The following ZNF563 variants were observed in gnomAD, a reference collection of about 807,000 sequenced individuals.
The protein encoded by ZNF563 is zinc finger protein 563.
Under a neutral mutation model 48.5 loss-of-function variants are expected in ZNF563, and 39 were observed. That is an observed-to-expected ratio of 0.80 (90% CI 0.62 to 1.05). The LOEUF is 1.05. ZNF563 is among the 50% of genes least tolerant of loss of function. The pLI is 0.00. For missense variants in ZNF563, 538 were observed against 597.0 expected, an observed-to-expected ratio of 0.90 and a Z score of 1.03; for synonymous variants, 168 against 187.9, an observed-to-expected ratio of 0.89 and a Z score of 0.87.
At chr19:12,323,076 C>T (rs1428620251) in intron 1 of ZNF563, among the ~76,000 whole-genome samples, 1 of 152,212 alleles carries the variant, frequency 6.6e-6, no homozygotes, top group Non-Finnish European at 1.5e-5. Context: ...AGTCCTGAGA[C>T]TGCATGTCCT....
At chr19:12,331,043 G>T in intron 1 of ZNF563, among the ~76,000 whole-genome samples, 1 of 152,068 alleles carries the variant, frequency 6.6e-6, no homozygotes, top group Middle Eastern at 3.2e-3. Flanking sequence ...TGTGTAGTAC[G>T]ACAGAAAAGA....
chr19:12,331,798 A>G (rs1422064317), intron 1 of ZNF563, among the ~76,000 whole-genome samples: 6 of 152,214 alleles, frequency 3.9e-5, no homozygotes, highest in African/African-American at 1.4e-4. Flanking sequence ...CAGTACCAGG[A>G]AAAGATAGTG....
At chr19:12,346,545 G>T in the ZNF563 span, 1 of 152,140 alleles carries the variant, frequency 6.6e-6, no homozygotes, top group Non-Finnish European at 1.5e-5. Flanking sequence ...CCTGAAAAAG[G>T]TTTACACCAA....
chr19:12,342,017 T>C, the ZNF563 span, among the ~76,000 whole-genome samples: 2 of 152,184 alleles, frequency 1.3e-5, no homozygotes, highest in Non-Finnish European at 2.9e-5. Flanking sequence ...ATAAGATGTA[T>C]CTTTTTCTTT....
At position 12,319,069 on chromosome 19, in the gene ZNF563, T is replaced by C. The variant is rs993184901; in HGVS notation, c.956A>G (p.His319Arg). The C allele has an allele frequency of 1.2e-6, 2 of 1,614,016 alleles. No homozygotes were observed. Among genetic ancestry groups the C allele is most frequent in the Non-Finnish European group, 1.7e-6 (2 of 1,180,038 alleles). The change falls in exon 4 of 4, where the codon CAT becomes CGT. Residue 319 changes from histidine to arginine, a missense_variant. Coordinates refer to ENST00000293725, the MANE Select transcript of ZNF563 (RefSeq NM_145276.3). ...YECKQCGKTF[H>R]HLGSFQIHMK... is the part of the protein sequence containing the mutation. Reference sequence around the variant, plus strand: ...GTGTATCTGAAAGCTTCCAAGATGATGAAATGTTTTCCCGCATTGCTTACA... The same window carrying C: ...GTGTATCTGAAAGCTTCCAAGATGACGAAATGTTTTCCCGCATTGCTTACA...
the ZNF563 span, among the ~76,000 whole-genome samples, chr19:12,339,948 A>G: frequency 9.2e-5 from 14 of 152,382 alleles, no homozygotes; most frequent in Non-Finnish European, 1.6e-4. Flanking sequence ...GATTCATCAC[A>G]TATAAATGAT....
chr19:12,332,028 G>T (rs1341120138), intron 1 of ZNF563, among the ~76,000 whole-genome samples: 1 of 152,008 alleles, frequency 6.6e-6, no homozygotes, highest in Non-Finnish European at 1.5e-5. Context: ...TTCTAAAAAA[G>T]AATCATATAT....
At chr19:12,343,257 C>T in the ZNF563 span, among the ~76,000 whole-genome samples, 1 of 151,884 alleles carries the variant, frequency 6.6e-6, no homozygotes, top group East Asian at 1.9e-4. Flanking sequence ...TATTCTAATT[C>T]TTCAGTTTAA....
At chr19:12,323,069 C>A (rs1968676107) in intron 1 of ZNF563, among the ~76,000 whole-genome samples, 1 of 152,302 alleles carries the variant, frequency 6.6e-6, no homozygotes, top group East Asian at 1.9e-4. Context: ...CATTAGCAGT[C>A]CTGAGACTGC....
In ZNF563 at chr19:12,318,696, A is replaced by G. The variant is rs749763156; in HGVS notation, c.1329T>C (p.His443=). The part of the protein sequence containing the change: ...SSSFRRHMVM[H]TGDGPNKCKV... ...TGCATTTATTCGGCCCATCTCCCGT[A>G]TGCATTACCATATGTCTTCGAAAGC... Residue 443 remains histidine, a synonymous_variant, in exon 4 of 4, where the codon CAT becomes CAC. Transcript: ENST00000293725. The G allele has an allele frequency of 1.1e-5, 18 of 1,614,006 alleles. 1 individual carries two copies. Among genetic ancestry groups the G allele is most frequent in the Non-Finnish European group, 1.4e-5 (17 of 1,180,034 alleles).
At chr19:12,322,304 T>C (rs1055014505) in intron 2 of ZNF563, among the ~76,000 whole-genome samples, 1 of 152,176 alleles carries the variant, frequency 6.6e-6, no homozygotes, top group Non-Finnish European at 1.5e-5. Context: ...TCCGCCCACC[T>C]TGGCCTCCCA....
In ZNF563 at chr19:12,319,621, T is replaced by A. The variant is rs796940107; in HGVS notation, c.404A>T (p.Glu135Val). Residue 135 changes from glutamate to valine, a missense_variant, in exon 4 of 4, where the codon GAA (glutamate) becomes GTA (valine). Coordinates refer to ENST00000293725, the MANE Select transcript of ZNF563 (RefSeq NM_145276.3). Reference sequence around the variant, plus strand: ...ATGTGTATGTGGCTTCTCTCCATATTCCTGATACTCATGTGGTTTGTGTCC... The same window carrying A: ...ATGTGTATGTGGCTTCTCTCCATATACCTGATACTCATGTGGTTTGTGTCC... Reference protein sequence around the residue: ...DSGHKPHEYQEYGEKPHTHKQ... With the variant: ...DSGHKPHEYQVYGEKPHTHKQ... The A allele has an allele frequency of 1.2e-6, 2 of 1,614,210 alleles. No homozygotes were observed. Among genetic ancestry groups the A allele is most frequent in the African/African-American group, 2.7e-5 (2 of 75,056 alleles).
the ZNF563 span, among the ~76,000 whole-genome samples, chr19:12,343,498 G>A: frequency 6.6e-6 from 1 of 151,918 alleles, no homozygotes; most frequent in Non-Finnish European, 1.5e-5. Flanking sequence ...GCACTACAAA[G>A]AAGTAAATAA....
upstream of ZNF563, among the ~76,000 whole-genome samples, chr19:12,334,769 T>C (rs1968998492): frequency 6.9e-6 from 1 of 145,254 alleles, no homozygotes; most frequent in Non-Finnish European, 1.5e-5. Flanking sequence ...CTCGGGAGGC[T>C]GAGGCAGGAG....
At position 12,318,935 on chromosome 19, in the gene ZNF563, G is replaced by A. The variant is rs1368301674; in HGVS notation, c.1090C>T (p.Pro364Ser). ...TTCCCACACTGCTTGCATTCATAGG[G>A]TTTCTCTCCAGTGTGAATTCGTTCA... ...YHERIHTGEK[P>S]YECKQCGKTL... Residue 364 changes from proline to serine, a missense_variant, in exon 4 of 4, where the codon CCC (proline) becomes TCC (serine). Physicochemically the swap from Pro to Ser is moderately conservative, Grantham distance 74. Transcript: ENST00000293725. 6.2e-7 allele frequency: 1 copy of A among 1,614,112 alleles called. No homozygotes were observed. The highest frequency in any genetic ancestry group is 8.5e-7 in the Non-Finnish European group (1 of 1,180,050).
chr19:12,320,171 C>A (rs1216074112), intron 3 of ZNF563, among the ~76,000 whole-genome samples: 2 of 152,150 alleles, frequency 1.3e-5, no homozygotes, highest in Non-Finnish European at 2.9e-5. Context: ...CCCCCCTTGG[C>A]CTCCCAAAGT....
chr19:12,346,338 C>T, the ZNF563 span: 1 of 151,788 alleles, frequency 6.6e-6, no homozygotes, highest in African/African-American at 2.4e-5. Context: ...AAAACAAAAA[C>T]CAATGTGCAT....
At chr19:12,338,178 A>T (rs1017629695), upstream of ZNF563, among the ~76,000 whole-genome samples, 1 of 152,218 alleles carries the variant, frequency 6.6e-6, no homozygotes, top group African/African-American at 2.4e-5. Flanking sequence ...GCAGGGTACC[A>T]AGCATAAAGA....
intron 1 of ZNF563, among the ~76,000 whole-genome samples, chr19:12,326,807 GA>G (rs947336709): frequency 6.6e-6 from 1 of 152,096 alleles, no homozygotes; most frequent in Non-Finnish European, 1.5e-5. Flanking sequence ...ACACAAGTTA[GA>G]AATTCACATC....
Sources: gnomAD v4.1 joint callset for allele counts (sites outside exome capture counted in the v4.1 genomes callset) on GRCh38, gnomAD v4.1.1 for gene constraint, MANE v1.5 for transcripts, NCBI Gene and HGNC (gene_info 2026-07-23, HGNC 2026-07-21) for gene names.